Variants in LRRC4C observed in about 807,000 individuals in gnomAD.
The protein encoded by LRRC4C is leucine rich repeat containing 4C, also known as leucine-rich repeat-containing protein 4C.
In LRRC4C, 5 loss-of-function variants were observed where a neutral mutation model predicts 33.6. The ratio of observed to expected loss-of-function variants is 0.15; its 90% confidence interval spans 0.08 to 0.31. The LOEUF (loss-of-function observed/expected upper bound fraction) is 0.31, where lower values mean the gene tolerates loss of function less well. LRRC4C is among the 10% of genes least tolerant of loss of function. The pLI is 1.00. For missense variants in LRRC4C, 560 were observed against 796.7 expected (o/e 0.70, Z 3.58); for synonymous variants, 329 against 302.0 (o/e 1.09, Z -0.93).
chr11:40,809,741 T>C (rs528182879), intron 2 of LRRC4C, among the ~76,000 whole-genome samples: 1 of 152,332 alleles, frequency 6.6e-6, no homozygotes, highest in African/African-American at 2.4e-5. Context: ...ATTGTCTCTA[T>C]ATTGCCAGAT....
intron 4 of LRRC4C, among the ~76,000 whole-genome samples, chr11:40,306,689 C>T (rs903744206): frequency 6.6e-6 from 1 of 152,208 alleles, no homozygotes; most frequent in Non-Finnish European, 1.5e-5. Flanking sequence ...CTGTGTCAGG[C>T]ACTGTGCTCA....
chr11:41,351,095 C>T (rs1951965482), intron 1 of LRRC4C, among the ~76,000 whole-genome samples: 1 of 152,000 alleles, frequency 6.6e-6, no homozygotes, highest in Non-Finnish European at 1.5e-5. Context: ...TAGCCAAGCA[C>T]CATGGTGTGT....
chr11:41,141,105 C>A (rs1362377657), intron 1 of LRRC4C, among the ~76,000 whole-genome samples: 2 of 152,078 alleles, frequency 1.3e-5, no homozygotes, highest in Non-Finnish European at 2.9e-5. Context: ...CAGCTAAATG[C>A]AACTTCAAAG....
intron 1 of LRRC4C, among the ~76,000 whole-genome samples, chr11:41,343,002 G>GTC (rs1591310509): frequency 6.6e-6 from 1 of 152,234 alleles, no homozygotes; most frequent in East Asian, 1.9e-4. Flanking sequence ...CATAACTCCA[G>GTC]TCTCTACCTT....
At chr11:40,607,452 T>G (rs994984591) in intron 3 of LRRC4C, among the ~76,000 whole-genome samples, 2 of 152,028 alleles carry the variant, frequency 1.3e-5, no homozygotes, top group Non-Finnish European at 2.9e-5. Flanking sequence ...TGGCTGGACA[T>G]CAAGAGGAAC....
At chr11:41,426,612 A>T (rs1374361589) in intron 1 of LRRC4C, 1 of 152,192 alleles carries the variant, frequency 6.6e-6, no homozygotes, top group South Asian at 2.1e-4. Flanking sequence ...TTTTCCTAAC[A>T]TATTCCTGTT....
At chr11:40,176,533 T>TC (rs397945983) in intron 5 of LRRC4C, among the ~76,000 whole-genome samples, 7 of 151,406 alleles carry the variant, frequency 4.6e-5, no homozygotes, top group Non-Finnish European at 8.8e-5. Context: ...TTCTTTTTTT[T>TC]CCACTCTTTT....
chr11:40,421,572 T>G (rs1013699001), intron 3 of LRRC4C, among the ~76,000 whole-genome samples: 2 of 152,240 alleles, frequency 1.3e-5, no homozygotes, highest in African/African-American at 4.8e-5. Context: ...TTGGTAACAG[T>G]CCTACAACTA....
intron 1 of LRRC4C, among the ~76,000 whole-genome samples, chr11:41,375,283 T>A (rs554226055): frequency 1.3e-5 from 2 of 152,224 alleles, no homozygotes; most frequent in African/African-American, 4.8e-5. Context: ...AATGGAAAGT[T>A]TAATGCCAGG....
chr11:40,919,009 T>TA (rs1292349388), intron 2 of LRRC4C, among the ~76,000 whole-genome samples: 34 of 151,624 alleles, frequency 2.2e-4, no homozygotes, highest in Admixed American at 9.2e-4. Flanking sequence ...TGTCCTAAAT[T>TA]AAAAAAAAAT....
intron 1 of LRRC4C, among the ~76,000 whole-genome samples, chr11:41,190,075 G>A (rs1945874637): frequency 6.6e-6 from 1 of 152,206 alleles, no homozygotes; most frequent in East Asian, 1.9e-4. Context: ...CATGTGTTAT[G>A]TAATAACTGT....
At chr11:40,426,222 C>T (rs1184417795) in intron 3 of LRRC4C, among the ~76,000 whole-genome samples, 1 of 151,902 alleles carries the variant, frequency 6.6e-6, no homozygotes. Context: ...ACCATGTTAG[C>T]CAGGATTGTC....
chr11:40,735,313 C>T (rs990592802), intron 2 of LRRC4C, among the ~76,000 whole-genome samples: 3 of 150,580 alleles, frequency 2.0e-5, no homozygotes, highest in Non-Finnish European at 4.4e-5. Context: ...CCTCCCCACT[C>T]CCCCCACCCC....
At chr11:40,348,120 A>T (rs1947218903) in intron 3 of LRRC4C, among the ~76,000 whole-genome samples, 1 of 152,212 alleles carries the variant, frequency 6.6e-6, no homozygotes, top group Non-Finnish European at 1.5e-5. Context: ...ATCAAAGATC[A>T]CAGAGCACCA....
intron 1 of LRRC4C, among the ~76,000 whole-genome samples, chr11:41,012,348 C>T (rs1294554908): frequency 6.6e-6 from 1 of 152,116 alleles, no homozygotes; most frequent in Non-Finnish European, 1.5e-5. Context: ...TTATTCTGTG[C>T]TTGGCTTATT....
At chr11:40,464,539 C>CT (rs1243164870) in intron 3 of LRRC4C, among the ~76,000 whole-genome samples, 1 of 151,836 alleles carries the variant, frequency 6.6e-6, no homozygotes, top group East Asian at 1.9e-4. Context: ...TTGAATTATC[C>CT]TTTTTTGCTG....
At chr11:41,390,303 G>T (rs543547410) in intron 1 of LRRC4C, among the ~76,000 whole-genome samples, 3 of 152,018 alleles carry the variant, frequency 2.0e-5, no homozygotes, top group Admixed American at 6.6e-5. Context: ...GAAACAATCA[G>T]TCTTCAGCTT....
At chr11:40,791,503 T>G (rs778724306) in intron 2 of LRRC4C, among the ~76,000 whole-genome samples, 1 of 152,266 alleles carries the variant, frequency 6.6e-6, no homozygotes, top group South Asian at 2.1e-4. Context: ...TACTCTAATT[T>G]CCATAAAAGT....
chr11:40,654,657 T>C (rs573564201), intron 2 of LRRC4C, among the ~76,000 whole-genome samples: 2 of 152,294 alleles, frequency 1.3e-5, no homozygotes, highest in East Asian at 1.9e-4. Flanking sequence ...ACTTTGAACT[T>C]TGACTTTTGG....
Sources: allele counts gnomAD v4.1 joint callset (sites outside exome capture counted in the v4.1 genomes callset), GRCh38; gene constraint gnomAD v4.1.1; transcripts MANE v1.5; gene names NCBI Gene and HGNC (gene_info 2026-07-23, HGNC 2026-07-21).